CTNND2: variants seen among roughly 807,000 people sequenced by gnomAD.
CTNND2 encodes the protein catenin delta-2.
In CTNND2, 22 loss-of-function variants were observed where a neutral mutation model predicts 144.4. That is an observed-to-expected ratio of 0.15 (90% confidence interval 0.11 to 0.22). The LOEUF (loss-of-function observed/expected upper bound fraction) is 0.22. CTNND2 is among the 10% of genes least tolerant of loss of function. The probability of loss-of-function intolerance (pLI) is 1.00; values close to 1 mark genes in which losing one functional copy is unlikely to be tolerated. For synonymous variants in CTNND2, 751 were observed against 695.6 expected (o/e 1.08, Z -1.25); for missense variants, 1,353 against 1,618.8 (o/e 0.84, Z 2.82).
chr5:11,498,607 T>C (rs1352151919), intron 3 of CTNND2, among the ~76,000 whole-genome samples: 2 of 152,230 alleles, frequency 1.3e-5, no homozygotes, highest in Admixed American at 6.5e-5. Flanking sequence ...AGCTCAGTTT[T>C]CAGCTTATGG....
intron 12 of CTNND2, among the ~76,000 whole-genome samples, chr5:11,137,866 T>G (rs1164288144): frequency 6.6e-6 from 1 of 152,200 alleles, no homozygotes; most frequent in East Asian, 1.9e-4. Flanking sequence ...AGCTTTTTGC[T>G]ACTGCCACAA....
At chr5:11,262,272 A>C (rs896777156) in intron 9 of CTNND2, among the ~76,000 whole-genome samples, 1 of 152,116 alleles carries the variant, frequency 6.6e-6, no homozygotes, top group Non-Finnish European at 1.5e-5. Context: ...CATAATAGGG[A>C]AGTCCCCTCT....
At chr5:11,136,745 A>G (rs903696575) in intron 12 of CTNND2, among the ~76,000 whole-genome samples, 3 of 152,220 alleles carry the variant, frequency 2.0e-5, no homozygotes, top group African/African-American at 7.2e-5. Flanking sequence ...GGGAAGTCTC[A>G]TGTAGCAGCT....
At chr5:11,265,950 T>A (rs1745399024) in intron 9 of CTNND2, among the ~76,000 whole-genome samples, 1 of 152,060 alleles carries the variant, frequency 6.6e-6, no homozygotes, top group Non-Finnish European at 1.5e-5. Flanking sequence ...GACCTTGTGA[T>A]CTGCCCACCT....
chr5:11,489,886 C>T (rs373303558), intron 3 of CTNND2, among the ~76,000 whole-genome samples: 8 of 152,142 alleles, frequency 5.3e-5, no homozygotes, highest in African/African-American at 1.9e-4. Flanking sequence ...CTGTGAATTT[C>T]GTTCTAGGTT....
chr5:11,610,077 C>T (rs907643680), intron 2 of CTNND2, among the ~76,000 whole-genome samples: 3 of 152,166 alleles, frequency 2.0e-5, no homozygotes, highest in African/African-American at 2.4e-5. Context: ...AGTTTTATGA[C>T]TTGTTCCAGA....
At chr5:11,617,742 A>G (rs1161126487) in intron 2 of CTNND2, among the ~76,000 whole-genome samples, 1 of 152,236 alleles carries the variant, frequency 6.6e-6, no homozygotes, top group Non-Finnish European at 1.5e-5. Flanking sequence ...ACTGGGTCAA[A>G]GTTAAACAAG....
chr5:11,329,736 G>A (rs779650395), intron 9 of CTNND2, among the ~76,000 whole-genome samples: 15 of 152,018 alleles, frequency 9.9e-5, no homozygotes, highest in Non-Finnish European at 1.8e-4. Context: ...GAGTGCAGAG[G>A]CAGAGACCCA....
intron 11 of CTNND2, among the ~76,000 whole-genome samples, chr5:11,198,632 C>G (rs1737109627): frequency 6.6e-6 from 1 of 152,176 alleles, no homozygotes; most frequent in South Asian, 2.1e-4. Flanking sequence ...TTGCTAAATA[C>G]TTGCTGATGG....
At chr5:11,639,667 T>C (rs188859011) in intron 2 of CTNND2, among the ~76,000 whole-genome samples, 25 of 152,310 alleles carry the variant, frequency 1.6e-4, no homozygotes, top group Non-Finnish European at 7.4e-5. Context: ...TAATGCATCT[T>C]AAGAATCTCC....
intron 12 of CTNND2, among the ~76,000 whole-genome samples, chr5:11,128,566 C>T (rs1166644394): frequency 6.7e-6 from 1 of 149,268 alleles, no homozygotes; most frequent in Non-Finnish European, 1.5e-5. Flanking sequence ...CGTTTTGCTC[C>T]AGGGTAAACG....
At chr5:11,828,765 G>T (rs1351415789) in intron 1 of CTNND2, among the ~76,000 whole-genome samples, 3 of 152,268 alleles carry the variant, frequency 2.0e-5, no homozygotes, top group African/African-American at 7.2e-5. Context: ...GGTACCAGGA[G>T]TGGGGTGCTG....
chr5:11,180,686 C>T (rs1285909911), intron 11 of CTNND2, among the ~76,000 whole-genome samples: 1 of 152,226 alleles, frequency 6.6e-6, no homozygotes, highest in African/African-American at 2.4e-5. Flanking sequence ...TAACACTGAT[C>T]TCTTTTCCAT....
At position 10,988,746 on chromosome 5, in the gene CTNND2, G is replaced by A. The variant is rs995368346; in HGVS notation, c.3212-504C>T. 3.3e-5 allele frequency among the ~76,000 whole-genome samples: 5 copies of A among 152,056 alleles called. No individual in the cohort carries two copies. Among genetic ancestry groups the A allele is most frequent in the African/African-American group, 1.2e-4 (5 of 41,388 alleles). ...TCACCTAGAAACTGCCTTTAAAAAA[G>A]TCAGAGGAAACAGCTCTCTACACAG... On this transcript the variant is annotated intron_variant, in intron 19 of 21. Coordinates refer to ENST00000304623, the MANE Select transcript of CTNND2 (RefSeq NM_001332.4). This position sits in a 1 kb window ranked among gnomAD's most constrained non-coding sequence, Gnocchi z 5.9.
Position 11,695,115 on chromosome 5 carries a change from A to C in CTNND2, c.174+37021T>G, listed in dbSNP as rs146345503. On this transcript the variant is annotated intron_variant, in intron 2 of 21. Coordinates refer to ENST00000304623, the MANE Select transcript of CTNND2 (RefSeq NM_001332.4). ...AGTAGATAGAAAACCACTAGCTTCC[A>C]TCAGGGTCTAGAGGAGCCTATAATA... is the stretch of plus-strand genomic sequence containing the variant. Among the ~76,000 whole-genome samples, 7 of 152,362 alleles carry C rather than the reference A, an allele frequency of 4.6e-5. 1 individual carries two copies. The East Asian group carries it at 1.3e-3, about 29-fold the overall frequency.
At chr5:11,531,964 G>A (rs1004496521) in intron 3 of CTNND2, among the ~76,000 whole-genome samples, 7 of 152,046 alleles carry the variant, frequency 4.6e-5, no homozygotes, top group Admixed American at 6.6e-5. Flanking sequence ...ACATTGCCAC[G>A]TGCCTCCCAA....
At chr5:11,011,514 G>A (rs1051855948) in intron 18 of CTNND2, among the ~76,000 whole-genome samples, 21 of 152,178 alleles carry the variant, frequency 1.4e-4, no homozygotes, top group Non-Finnish European at 2.6e-4. Context: ...ACCATGCCCC[G>A]CCTGAACTAT....
intron 3 of CTNND2, among the ~76,000 whole-genome samples, chr5:11,514,419 T>C (rs1002818005): frequency 5.3e-5 from 8 of 152,064 alleles, no homozygotes; most frequent in Admixed American, 2.0e-4. Context: ...CAGCTGGCTG[T>C]ATTCATTTGA....
At chr5:11,886,360 C>T (rs763445150) in intron 1 of CTNND2, among the ~76,000 whole-genome samples, 4 of 152,002 alleles carry the variant, frequency 2.6e-5, no homozygotes, top group Non-Finnish European at 4.4e-5. Flanking sequence ...AAAAAGGAGA[C>T]ATTACAACTG....
Sources: allele counts gnomAD v4.1 joint callset (sites outside exome capture counted in the v4.1 genomes callset), GRCh38; gene constraint gnomAD v4.1.1; non-coding constraint Gnocchi (gnomAD v3.1); transcripts MANE v1.5; gene names NCBI Gene and HGNC (gene_info 2026-07-23, HGNC 2026-07-21).